RBM25: variants seen among roughly 807,000 people sequenced by gnomAD.
RBM25 encodes RNA binding motif protein 25.
A neutral mutation model predicts 120.7 loss-of-function variants in RBM25; 19 were observed. That is an observed-to-expected ratio of 0.16 (90% CI 0.11 to 0.23). The LOEUF is 0.23. RBM25 is among the 10% of genes least tolerant of loss of function. The pLI, the probability that RBM25 is intolerant of heterozygous loss-of-function variation, is 1.00. For synonymous variants in RBM25, 390 were observed against 326.7 expected (o/e 1.19, Z -2.09); for missense variants, 605 against 1,041.5 (o/e 0.58, Z 5.77).
At chr14:73,108,106 T>TAA (rs993539846) in intron 13 of RBM25, among the ~76,000 whole-genome samples, 7 of 152,260 alleles carry the variant, frequency 4.6e-5, no homozygotes, top group African/African-American at 1.7e-4. Context: ...ATGCATCTTT[T>TAA]GTGCAGTGGG....
chr14:73,093,951 T>G (rs1014956418), intron 6 of RBM25, among the ~76,000 whole-genome samples: 9 of 147,524 alleles, frequency 6.1e-5, no homozygotes, highest in African/African-American at 1.8e-4. Context: ...AGGTTTTGTT[T>G]TTTTTTTTTT....
rs1895729977 is a variant in RBM25, at chr14:73,088,014, T to C, written c.396T>C (p.Cys132=). 1 of 1,612,302 alleles carries C rather than the reference T, an allele frequency of 6.2e-7. No homozygotes were observed. ...ATCCATTGCTAGCCTTCGGATTCTG[T>C]GAGTACAAGGAGCCAGAATCTACCC... is the stretch of plus-strand genomic sequence containing the variant. The part of the protein sequence containing the change: ...ASGKLQAFGF[C]EYKEPESTLR... Residue 132 remains cysteine, a synonymous_variant, in exon 6 of 19, where the codon TGT becomes TGC. Transcript: ENST00000261973.
intron 12 of RBM25, 192 bp from the exon 13 acceptor site, chr14:73,107,634 C>T: frequency 1.9e-6 from 1 of 524,486 alleles, no homozygotes; most frequent in Non-Finnish European, 3.3e-6. Flanking sequence ...TTCTGGGATC[C>T]AGGAGAAACT....
Position 73,123,645 on chromosome 14 carries a change from C to T in RBM25, c.*3840C>T, listed in dbSNP as rs1052803356. The T allele has an allele frequency of 1.3e-5, 2 of 152,002 alleles. No homozygotes were observed. The highest frequency in any genetic ancestry group is 2.4e-5 in the African/African-American group (1 of 41,366). 9.4% of individuals were successfully genotyped at this position (152,002 alleles called of 1,614,324 possible). A position where few individuals can be genotyped will look rare whatever the true frequency, so the allele number is the denominator to read the frequency against. Reference sequence around the variant, plus strand: ...CTAATATAACAATCATACTATAGAGCGAAGTGAACTTACACTTTTTGATAA... The same window carrying T: ...CTAATATAACAATCATACTATAGAGTGAAGTGAACTTACACTTTTTGATAA... On this transcript the variant is annotated 3_prime_UTR_variant, in exon 19 of 19. Transcript: ENST00000261973.
At chr14:73,106,524 A>G (rs1896191757) in intron 12 of RBM25, among the ~76,000 whole-genome samples, 1 of 152,146 alleles carries the variant, frequency 6.6e-6, no homozygotes, top group South Asian at 2.1e-4. Context: ...TAAATTTGTC[A>G]TATAGTAATA....
rs769715049 is a variant in RBM25 at position 73,109,357 on chromosome 14, G to T, written c.1557G>T (p.Gln519His). 6.2e-7 allele frequency: 1 copy of T among 1,613,790 alleles called. No homozygotes were observed. Among genetic ancestry groups the T allele is most frequent in the Non-Finnish European group, 8.5e-7 (1 of 1,179,836 alleles). The change falls in exon 14 of 19, where the codon CAG (glutamine) becomes CAT (histidine). Residue 519 changes from glutamine (Q) to histidine (H), a missense_variant. Physicochemically the swap from Gln to His is conservative, Grantham distance 24. Around this residue, in one of 4 missense-constraint regions of RBM25, gnomAD observed 465 missense variants for 741.6 expected, o/e 0.63. Coordinates refer to ENST00000261973, the MANE Select transcript of RBM25 (RefSeq NM_021239.3). Reference protein sequence around the residue: ...DPKYYRGSALQKRLRDREKEM... With the variant: ...DPKYYRGSALHKRLRDREKEM... ...ACTTTTACAGAGGAAGTGCTCTTCA[G>T]AAAAGGTTGCGTGATAGAGAAAAGG...
rs560887910 is a variant in RBM25, at chr14:73,078,486, C to CA, written c.324+957dup. On this transcript the variant is annotated intron_variant, in intron 4 of 18. Transcript: ENST00000261973. ...AGCCCGAGCAAGAGAGTCTCTAAAA[C>CA]AAAAAAATATATAAAATTGATATAA... 7.2e-5 allele frequency among the ~76,000 whole-genome samples: 11 copies of CA among 151,884 alleles called. No homozygotes were observed. In the East Asian group the frequency reaches 1.9e-3, roughly 27 times the overall value.
chr14:73,107,326 A>G (rs1896211435), intron 12 of RBM25: 2 of 153,970 alleles, frequency 1.3e-5, no homozygotes, highest in East Asian at 1.9e-4. Context: ...AATGTGACCT[A>G]TACTTAATAT....
chr14:73,092,701 CT>C (rs1215148087), intron 6 of RBM25, among the ~76,000 whole-genome samples: 1 of 151,456 alleles, frequency 6.6e-6, no homozygotes, highest in African/African-American at 2.4e-5. Flanking sequence ...TTAGGTATAT[CT>C]CCTAATCCTA....
At chr14:73,095,019 G>C (rs1005210210) in intron 6 of RBM25, among the ~76,000 whole-genome samples, 4 of 151,366 alleles carry the variant, frequency 2.6e-5, no homozygotes, top group Admixed American at 1.3e-4. Flanking sequence ...ACCATGCCCA[G>C]CTAATTTTTT....
chr14:73,085,852 T>A (rs927162550), intron 5 of RBM25, among the ~76,000 whole-genome samples: 13 of 152,232 alleles, frequency 8.5e-5, no homozygotes, highest in African/African-American at 3.1e-4. Context: ...TGATTTTCTT[T>A]TTTCTTTTGA....
At chr14:73,072,414 A>C (rs531846298) in intron 2 of RBM25, among the ~76,000 whole-genome samples, 1 of 152,322 alleles carries the variant, frequency 6.6e-6, no homozygotes, top group African/African-American at 2.4e-5. Flanking sequence ...AAAGGGAAGC[A>C]ATAAGGTTAT....
At chr14:73,081,703 G>T (rs1465395407) in intron 4 of RBM25, among the ~76,000 whole-genome samples, 1 of 152,060 alleles carries the variant, frequency 6.6e-6, no homozygotes, top group African/African-American at 2.4e-5. Context: ...TATTTCATGT[G>T]GTCAGTAGTT....
At chr14:73,102,966 A>C in intron 9 of RBM25, 1 of 784,762 alleles carries the variant, frequency 1.3e-6, no homozygotes, top group Non-Finnish European at 1.9e-6. Context: ...ATCTCCCAGC[A>C]TCCAAGATTG....
intron 13 of RBM25, 22 bp downstream of exon 13, chr14:73,107,921 G>A (rs2140459653): frequency 6.6e-7 from 1 of 1,512,472 alleles, no homozygotes; most frequent in Non-Finnish European, 9.0e-7. Flanking sequence ...TTGTTCTGTG[G>A]ATTCATACTT....
At chr14:73,104,963 A>G (rs1326570009) in intron 10 of RBM25, among the ~76,000 whole-genome samples, 4 of 151,360 alleles carry the variant, frequency 2.6e-5, no homozygotes, top group East Asian at 1.9e-4. Context: ...AGAGGTTGGT[A>G]TGTGTAAAAT....
chr14:73,106,926 A>C (rs1253620553), intron 12 of RBM25, among the ~76,000 whole-genome samples: 1 of 150,458 alleles, frequency 6.6e-6, no homozygotes, highest in Non-Finnish European at 1.5e-5. Flanking sequence ...TTCTCCTCCC[A>C]GGTTCAAGCG....
Position 73,096,020 on chromosome 14 carries a change from C to T in RBM25, c.544-895C>T, listed in dbSNP as rs1451558082. Among the ~76,000 whole-genome samples, 6 of 152,202 alleles carry T rather than the reference C, an allele frequency of 3.9e-5. No homozygotes were observed. In the East Asian group the frequency reaches 1.2e-3, roughly 29 times the overall value. The stretch of plus-strand genomic sequence containing the variant: ...TGAGATGGAGTTTCGCTCTTTTGCC[C>T]AGGCTGGAGTGCAGTGGCGTAATCT... On this transcript the variant is annotated intron_variant, in intron 6 of 18. Transcript: ENST00000261973.
At chr14:73,065,895 TTGGGGGAAAAG>T (rs1895121507) in intron 1 of RBM25, among the ~76,000 whole-genome samples, 1 of 152,120 alleles carries the variant, frequency 6.6e-6, no homozygotes, top group African/African-American at 2.4e-5. Context: ...TCTAATATTA[TTGGGGGAAAAG>T]TGGTTTTAAA....
Sources: allele counts gnomAD v4.1 joint callset (sites outside exome capture counted in the v4.1 genomes callset), GRCh38; gene constraint gnomAD v4.1.1; regional missense constraint gnomAD v4.1.1; transcripts MANE v1.5; gene names NCBI Gene and HGNC (gene_info 2026-07-23, HGNC 2026-07-21).